GRB14: variants seen among roughly 807,000 people sequenced by gnomAD.
GRB14 encodes the protein growth factor receptor bound protein 14, also known as growth factor receptor-bound protein 14.
Under a neutral mutation model 69.1 loss-of-function variants are expected in GRB14, and 38 were observed. The ratio of observed to expected loss-of-function variants is 0.55; its 90% CI spans 0.42 to 0.72. The LOEUF (loss-of-function observed/expected upper bound fraction) is 0.72. Among genes scored for constraint, GRB14 ranks in the 30% least tolerant of loss-of-function variants. The pLI is 0.00. For synonymous variants in GRB14, 247 were observed against 241.3 expected (o/e 1.02, Z -0.22); for missense variants, 666 against 666.1 (o/e 1.00, Z 0.00).
chr2:164,578,542 A>G lies in GRB14; in HGVS notation c.325-30726T>C, dbSNP rs80337002. Among the ~76,000 whole-genome samples the G allele has an allele frequency of 9.7e-3, 1,469 of 152,050 alleles. 64 individuals are homozygous for G. Among genetic ancestry groups the G allele is most frequent in the Admixed American group, 0.077 (1,173 of 15,234 alleles). ...CGCGCGCACACACACACACACACAC[A>G]CACACACACAATATACCACTGGACA... On this transcript the variant is annotated intron_variant, in intron 2 of 13. Transcript: ENST00000263915.
At chr2:164,498,304 T>C (rs1686958723) in intron 9 of GRB14, among the ~76,000 whole-genome samples, 1 of 152,176 alleles carries the variant, frequency 6.6e-6, no homozygotes, top group African/African-American at 2.4e-5. Flanking sequence ...AGTCATTGTT[T>C]TTGCTAACTA....
At chr2:164,499,507 A>G (rs1686995507) in intron 9 of GRB14, among the ~76,000 whole-genome samples, 1 of 152,190 alleles carries the variant, frequency 6.6e-6, no homozygotes, top group Admixed American at 6.6e-5. Flanking sequence ...AATTTCTTTC[A>G]CATAGAAAAG....
chr2:164,592,176 C>T (rs1397245808), intron 2 of GRB14, among the ~76,000 whole-genome samples: 7 of 151,904 alleles, frequency 4.6e-5, no homozygotes, highest in African/African-American at 1.7e-4. Flanking sequence ...ACTCTGTCTC[C>T]CAGGCTGGAG....
At chr2:164,533,462 C>T (rs1346824854) in intron 3 of GRB14, among the ~76,000 whole-genome samples, 2 of 151,826 alleles carry the variant, frequency 1.3e-5, no homozygotes, top group Admixed American at 6.6e-5. Flanking sequence ...CCTCGTGATC[C>T]GCCCGCCTCG....
chr2:164,613,910 A>C (rs1690223871), intron 2 of GRB14, among the ~76,000 whole-genome samples: 1 of 152,228 alleles, frequency 6.6e-6, no homozygotes, highest in Non-Finnish European at 1.5e-5. Context: ...CAGTTTGAAA[A>C]TGGTAGAGAT....
chr2:164,523,517 C>T (rs900395596), intron 5 of GRB14, among the ~76,000 whole-genome samples: 1 of 151,712 alleles, frequency 6.6e-6, no homozygotes, highest in African/African-American at 2.4e-5. Context: ...TTTTAAAAGG[C>T]TACTAAAGGA....
intron 3 of GRB14, among the ~76,000 whole-genome samples, chr2:164,544,172 GA>G (rs1413239045): frequency 6.6e-6 from 1 of 152,104 alleles, no homozygotes; most frequent in Admixed American, 6.6e-5. Flanking sequence ...CAGTAATAAA[GA>G]AATAAACTTC....
Position 164,508,029 on chromosome 2 carries a change from A to G in GRB14, c.1023+426T>C, listed in dbSNP as rs563703152. 2.0e-5 allele frequency among the ~76,000 whole-genome samples: 3 copies of G among 152,332 alleles called. No individual in the cohort carries two copies. In the South Asian group the frequency reaches 6.2e-4, roughly 32 times the overall value. On this transcript the variant is annotated intron_variant, in intron 8 of 13. Transcript: ENST00000263915. ...TTTGAGTCATGCTTATTAAACTAGAAAGCAATTTATAAAACACGAATCGAA... is the reference window on the plus strand; with the variant it reads ...TTTGAGTCATGCTTATTAAACTAGAGAGCAATTTATAAAACACGAATCGAA...
At chr2:164,545,117 C>A (rs1688341016) in intron 3 of GRB14, among the ~76,000 whole-genome samples, 1 of 152,166 alleles carries the variant, frequency 6.6e-6, no homozygotes, top group East Asian at 1.9e-4. Context: ...ACTCTAATGA[C>A]TATGTATAAA....
At chr2:164,513,118 TC>T (rs1175426283) in intron 6 of GRB14, among the ~76,000 whole-genome samples, 1 of 152,110 alleles carries the variant, frequency 6.6e-6, no homozygotes, top group Non-Finnish European at 1.5e-5. Context: ...TCTCTTTCCT[TC>T]CCACTCCTCC....
intron 9 of GRB14, among the ~76,000 whole-genome samples, chr2:164,499,635 G>T (rs1686998599): frequency 6.6e-6 from 1 of 152,074 alleles, no homozygotes; most frequent in South Asian, 2.1e-4. Flanking sequence ...TGATTTTAAT[G>T]GCATGACTTT....
intron 2 of GRB14, among the ~76,000 whole-genome samples, chr2:164,617,983 G>T (rs1332638501): frequency 6.9e-6 from 1 of 145,568 alleles, no homozygotes; most frequent in African/African-American, 2.5e-5. Context: ...TAGTGTCAGC[G>T]GGGGACAGAT....
chr2:164,533,301 C>T (rs183948327), intron 3 of GRB14, among the ~76,000 whole-genome samples: 4 of 133,262 alleles, frequency 3.0e-5, no homozygotes, highest in African/African-American at 1.1e-4. Flanking sequence ...GGCGCAATCT[C>T]GGCTCACTGC....
chr2:164,512,402 G>C (rs922505337), intron 6 of GRB14, among the ~76,000 whole-genome samples: 2 of 152,074 alleles, frequency 1.3e-5, no homozygotes, highest in Non-Finnish European at 2.9e-5. Flanking sequence ...CCTGACCTCA[G>C]GTAATCCACC....
intron 2 of GRB14, among the ~76,000 whole-genome samples, chr2:164,557,407 G>T (rs1005277532): frequency 2.0e-5 from 3 of 152,126 alleles, no homozygotes; most frequent in African/African-American, 7.2e-5. Flanking sequence ...AGTTGGCAAC[G>T]TAGAAATAAT....
At chr2:164,563,512 C>T (rs1010224584) in intron 2 of GRB14, among the ~76,000 whole-genome samples, 2 of 152,162 alleles carry the variant, frequency 1.3e-5, no homozygotes, top group African/African-American at 2.4e-5. Flanking sequence ...ATAAAACTCA[C>T]GAGCCTGTTC....
intron 3 of GRB14, among the ~76,000 whole-genome samples, chr2:164,530,133 T>C (rs999828811): frequency 6.6e-6 from 1 of 152,182 alleles, no homozygotes; most frequent in Admixed American, 6.5e-5. Context: ...AGGGGTTTAT[T>C]TGGCTCATGG....
chr2:164,495,818 T>C (rs987984537), intron 12 of GRB14, among the ~76,000 whole-genome samples: 18 of 152,200 alleles, frequency 1.2e-4, no homozygotes, highest in Admixed American at 5.2e-4. Flanking sequence ...TACCACCTAG[T>C]GGATCACTTG....
chr2:164,522,150 A>G, intron 5 of GRB14, 33 bp from the exon 6 acceptor site: 1 of 1,272,976 alleles, frequency 7.9e-7, no homozygotes, highest in Non-Finnish European at 1.1e-6. Flanking sequence ...TCAAACTATG[A>G]TTAAATCAAT....
Sources: allele counts gnomAD v4.1 joint callset (sites outside exome capture counted in the v4.1 genomes callset), GRCh38; gene constraint gnomAD v4.1.1; transcripts MANE v1.5; gene names NCBI Gene and HGNC (gene_info 2026-07-23, HGNC 2026-07-21).